The following WDR44 variants were observed in gnomAD, a reference collection of about 807,000 sequenced individuals.
The protein encoded by WDR44 is WD repeat domain 44, also known as WD repeat-containing protein 44.
In WDR44, 9 loss-of-function variants were observed where a neutral mutation model predicts 65.7. The ratio of observed to expected loss-of-function variants is 0.14; its 90% confidence interval spans 0.08 to 0.24. The LOEUF (loss-of-function observed/expected upper bound fraction) is 0.24. WDR44 is among the 10% of genes least tolerant of loss of function. The probability of loss-of-function intolerance (pLI) is 1.00; values close to 1 mark genes in which losing one functional copy is unlikely to be tolerated. For missense variants in WDR44, 425 were observed against 670.9 expected (o/e 0.63, Z 4.05); for synonymous variants, 220 against 235.2 (o/e 0.94, Z 0.59).
chrX:118,395,098 A>G, intron 5 of WDR44, 151 bp from the exon 6 acceptor site: 1 of 503,426 alleles, frequency 2.0e-6, no homozygotes, highest in Non-Finnish European at 3.2e-6. Context: ...ATGCTGGGAA[A>G]AATGAAGGAC....
intron 3 of WDR44, among the ~76,000 whole-genome samples, chrX:118,390,625 T>G (rs2056812230): frequency 9.0e-6 from 1 of 111,180 alleles, no homozygotes; most frequent in Non-Finnish European, 1.9e-5. Flanking sequence ...GTGTAGTGAT[T>G]ATTTCAAACC....
At chrX:118,365,218 C>T (rs2056542980) in intron 1 of WDR44, among the ~76,000 whole-genome samples, 2 of 112,265 alleles carry the variant, frequency 1.8e-5, no homozygotes, top group Admixed American at 1.9e-4. Flanking sequence ...TTTGTCTGAG[C>T]AATCAACCAA....
intron 1 of WDR44, among the ~76,000 whole-genome samples, chrX:118,363,396 C>T (rs1233677105): frequency 1.2e-4 from 10 of 86,266 alleles, no homozygotes; most frequent in Non-Finnish European, 1.7e-4. Context: ...AGTGAAACTC[C>T]GTCTCAAAAA....
intron 2 of WDR44, among the ~76,000 whole-genome samples, chrX:118,386,237 G>T (rs773919094): frequency 4.5e-5 from 5 of 110,569 alleles, no homozygotes; most frequent in African/African-American, 1.6e-4. Flanking sequence ...AAGAATTATG[G>T]TTTTTTTTCC....
At chrX:118,372,805 TA>T (rs1202064235) in intron 1 of WDR44, among the ~76,000 whole-genome samples, 8 of 112,208 alleles carry the variant, frequency 7.1e-5, no homozygotes, top group African/African-American at 1.6e-4. Flanking sequence ...CCACCGCTTA[TA>T]GGCTGGGTGC....
chrX:118,395,221 A>G (rs1569368453), intron 5 of WDR44, 28 bp from the exon 6 acceptor site: 1 of 1,164,410 alleles, frequency 8.6e-7, no homozygotes, highest in East Asian at 3.0e-5. Flanking sequence ...ATTCAGTCTA[A>G]TTTCTGTTTA....
chrX:118,379,472 TG>T (rs964431333), intron 2 of WDR44, among the ~76,000 whole-genome samples: 1 of 111,548 alleles, frequency 9.0e-6, no homozygotes, highest in Non-Finnish European at 1.9e-5. Context: ...AGTGTTGAGT[TG>T]GGGGTAACTA....
intron 9 of WDR44, among the ~76,000 whole-genome samples, chrX:118,405,826 A>G (rs1233361829): frequency 1.8e-5 from 2 of 112,228 alleles, no homozygotes; most frequent in Non-Finnish European, 3.8e-5. Context: ...AGTAGATATT[A>G]TAAGTAATCT....
intron 14 of WDR44, among the ~76,000 whole-genome samples, chrX:118,440,825 G>A (rs2057298280): frequency 9.0e-6 from 1 of 110,554 alleles, no homozygotes; most frequent in Non-Finnish European, 1.9e-5. Flanking sequence ...CAAAACAGCA[G>A]TTTAAGGATA....
At chrX:118,405,201 A>G (rs2056953938) in intron 9 of WDR44, among the ~76,000 whole-genome samples, 1 of 109,323 alleles carries the variant, frequency 9.1e-6, no homozygotes. Flanking sequence ...ACACCTGGCT[A>G]ATTTTTGTAT....
At chrX:118,422,252 C>T (rs1569378322) in intron 12 of WDR44, among the ~76,000 whole-genome samples, 1 of 109,964 alleles carries the variant, frequency 9.1e-6, no homozygotes, top group East Asian at 2.9e-4. Context: ...AAATATATAG[C>T]CAAGCATGGT....
chrX:118,375,918 G>A (rs1238826284), intron 1 of WDR44, among the ~76,000 whole-genome samples: 1 of 111,926 alleles, frequency 8.9e-6, no homozygotes, highest in Admixed American at 9.5e-5. Flanking sequence ...TACATAGTAG[G>A]TAATTCATAA....
chrX:118,357,524 G>A (rs192218632), intron 1 of WDR44, among the ~76,000 whole-genome samples: 12 of 111,298 alleles, frequency 1.1e-4, no homozygotes, highest in African/African-American at 3.3e-5. Flanking sequence ...TTAAAAAGGG[G>A]GGCTCACGAC....
At chrX:118,368,480 T>TATATATATATATATATAC (rs1487283299) in intron 1 of WDR44, among the ~76,000 whole-genome samples, 1 of 98,615 alleles carries the variant, frequency 1.0e-5, no homozygotes, top group African/African-American at 4.0e-5. Context: ...TATATATATA[T>TATATATATATATATATAC]ACTTCTTGAG....
At chrX:118,363,764 A>G (rs1427831191) in intron 1 of WDR44, among the ~76,000 whole-genome samples, 1 of 112,646 alleles carries the variant, frequency 8.9e-6, no homozygotes, top group Non-Finnish European at 1.9e-5. Flanking sequence ...TTAACTGTAT[A>G]TACTTTCTAA....
intron 5 of WDR44, among the ~76,000 whole-genome samples, chrX:118,394,765 G>A (rs1233468979): frequency 9.0e-6 from 1 of 111,135 alleles, no homozygotes; most frequent in Non-Finnish European, 1.9e-5. Flanking sequence ...CTTAGAGCAG[G>A]GGTCAGTAGT....
intron 1 of WDR44, among the ~76,000 whole-genome samples, chrX:118,354,374 C>T (rs2056440844): frequency 2.8e-5 from 3 of 108,555 alleles, no homozygotes; most frequent in South Asian, 8.0e-4. Flanking sequence ...GCTATGGTCA[C>T]GCCACTGTAC....
chrX:118,369,149 T>G (rs749088162), intron 1 of WDR44, among the ~76,000 whole-genome samples: 374 of 111,799 alleles, frequency 3.3e-3, no homozygotes, highest in Non-Finnish European at 5.5e-3. Context: ...AGTGTACTAG[T>G]GTATGAAAAT....
intron 1 of WDR44, among the ~76,000 whole-genome samples, chrX:118,356,499 A>G (rs909048685): frequency 6.3e-5 from 7 of 110,238 alleles, no homozygotes; most frequent in Non-Finnish European, 1.3e-4. Context: ...TTTTTTGGCC[A>G]CAAGCCTCTA....
Sources: allele counts gnomAD v4.1 joint callset (sites outside exome capture counted in the v4.1 genomes callset), GRCh38; gene constraint gnomAD v4.1.1; transcripts MANE v1.5; gene names NCBI Gene and HGNC (gene_info 2026-07-23, HGNC 2026-07-21).